The following ADK variants were observed in gnomAD, a reference collection of about 807,000 sequenced individuals.
ADK encodes N6,N6-dimethyladenosine kinase.
A neutral mutation model predicts 44.7 loss-of-function variants in ADK; 24 were observed. The observed-to-expected ratio is 0.54, with a 90% CI of 0.39 to 0.76. The LOEUF is 0.76. ADK is among the 30% of genes least tolerant of loss of function. The pLI, the probability that ADK is intolerant of heterozygous loss-of-function variation, is 0.00. For missense variants in ADK, 321 were observed against 425.1 expected (o/e 0.76, Z 2.15); for synonymous variants, 128 against 142.6 (o/e 0.90, Z 0.73).
intron 3 of ADK, among the ~76,000 whole-genome samples, chr10:74,305,385 TATCAA>T (rs1840209933): frequency 2.0e-5 from 3 of 152,222 alleles, no homozygotes; most frequent in African/African-American, 4.8e-5. Context: ...CATATATTGA[TATCAA>T]ATTGATCTTA....
chr10:74,558,018 C>A (rs1398942698), intron 7 of ADK, among the ~76,000 whole-genome samples: 2 of 152,104 alleles, frequency 1.3e-5, no homozygotes, highest in Non-Finnish European at 2.9e-5. Flanking sequence ...GGTATGAGAG[C>A]AAGCCACGAT....
chr10:74,472,113 G>C (rs1846613127), intron 6 of ADK, among the ~76,000 whole-genome samples: 1 of 152,100 alleles, frequency 6.6e-6, no homozygotes, highest in Non-Finnish European at 1.5e-5. Flanking sequence ...GCTAAGGCAG[G>C]AGAATCACGA....
intron 9 of ADK, chr10:74,641,860 C>G (rs1040140602): frequency 3.3e-5 from 5 of 152,240 alleles, no homozygotes; most frequent in African/African-American, 1.2e-4. Flanking sequence ...AACAGGGCCA[C>G]CTTCCCAGCA....
At chr10:74,336,515 T>C (rs1026706493) in intron 4 of ADK, among the ~76,000 whole-genome samples, 1 of 152,242 alleles carries the variant, frequency 6.6e-6, no homozygotes, top group African/African-American at 2.4e-5. Context: ...TAGACGTCTG[T>C]AATTTTGCAC....
intron 4 of ADK, among the ~76,000 whole-genome samples, chr10:74,317,743 T>G (rs1840673666): frequency 6.6e-6 from 1 of 152,010 alleles, no homozygotes; most frequent in African/African-American, 2.4e-5. Context: ...AAAAGAAGAT[T>G]ATAGTAAAAC....
At position 74,637,679 on chromosome 10, in the gene ADK, G is replaced by T. The variant is rs1853663927; in HGVS notation, c.878-32504G>T. 2.0e-5 allele frequency among the ~76,000 whole-genome samples: 3 copies of T among 148,496 alleles called. 1 individual carries two copies. In the South Asian group the frequency reaches 6.3e-4, roughly 31 times the overall value. On this transcript the variant is annotated intron_variant, in intron 9 of 10. Transcript: ENST00000539909. ...AAAGTAACCTCTGTTGTTCAAATTA[G>T]ATAGCCATTTGTGGAGACAAAACCC...
chr10:74,493,536 A>G (rs1847570973), intron 6 of ADK, among the ~76,000 whole-genome samples: 1 of 151,628 alleles, frequency 6.6e-6, no homozygotes, highest in African/African-American at 2.4e-5. Context: ...AGATATAGAT[A>G]GACATAGATA....
intron 6 of ADK, among the ~76,000 whole-genome samples, chr10:74,435,577 A>G (rs539182900): frequency 6.6e-6 from 1 of 152,308 alleles, no homozygotes; most frequent in Non-Finnish European, 1.5e-5. Context: ...ACATCTAGGA[A>G]GCTCTTTGAA....
intron 4 of ADK, among the ~76,000 whole-genome samples, chr10:74,333,509 A>G (rs562486274): frequency 4.6e-5 from 7 of 152,292 alleles, no homozygotes; most frequent in Non-Finnish European, 1.0e-4. Context: ...GGTCAATAGG[A>G]GAAACATGAA....
chr10:74,453,646 TTTCTC>T (rs1845848515), intron 6 of ADK, among the ~76,000 whole-genome samples: 1 of 152,106 alleles, frequency 6.6e-6, no homozygotes, highest in East Asian at 1.9e-4. Flanking sequence ...TTCCTTCTCT[TTTCTC>T]TACTCTCCCC....
chr10:74,659,559 C>T (rs1162524608), intron 9 of ADK, among the ~76,000 whole-genome samples: 3 of 152,146 alleles, frequency 2.0e-5, no homozygotes, highest in Admixed American at 2.0e-4. Flanking sequence ...AAAGGTCTTG[C>T]ATTAGTCAGG....
chr10:74,645,101 ATTC>A (rs1854008938), intron 9 of ADK, among the ~76,000 whole-genome samples: 1 of 152,174 alleles, frequency 6.6e-6, no homozygotes, highest in African/African-American at 2.4e-5. Flanking sequence ...TCAAAATTGT[ATTC>A]TTCTAATTTA....
intron 4 of ADK, among the ~76,000 whole-genome samples, chr10:74,353,594 C>T (rs906828577): frequency 2.7e-5 from 4 of 146,502 alleles, no homozygotes; most frequent in African/African-American, 7.5e-5. Flanking sequence ...AAAAGCCAGG[C>T]GCAGTGGCTC....
chr10:74,196,906 A>G (rs1843174107), intron 1 of ADK, among the ~76,000 whole-genome samples: 1 of 152,218 alleles, frequency 6.6e-6, no homozygotes, highest in African/African-American at 2.4e-5. Context: ...CAACAACTTC[A>G]TTAATGACCT....
intron 7 of ADK, among the ~76,000 whole-genome samples, chr10:74,547,792 G>A (rs1429017777): frequency 6.6e-6 from 1 of 152,150 alleles, no homozygotes; most frequent in Non-Finnish European, 1.5e-5. Flanking sequence ...CCGAATAGCT[G>A]GGATTACAGG....
chr10:74,535,442 A>G (rs1484775040), intron 7 of ADK, among the ~76,000 whole-genome samples: 2 of 152,152 alleles, frequency 1.3e-5, no homozygotes, highest in Admixed American at 6.5e-5. Context: ...CGGTCTGGGT[A>G]ACAGAGTAAG....
intron 9 of ADK, among the ~76,000 whole-genome samples, chr10:74,619,518 C>T (rs915167699): frequency 1.3e-5 from 2 of 151,558 alleles, no homozygotes; most frequent in African/African-American, 4.8e-5. Flanking sequence ...TCTAAAGTAT[C>T]TGATTATTTC....
chr10:74,665,738 AGAGAG>A (rs1854924681), intron 9 of ADK, among the ~76,000 whole-genome samples: 1 of 5,926 alleles, frequency 1.7e-4, no homozygotes, highest in Non-Finnish European at 3.2e-4. Flanking sequence ...TTAGCTCTTG[AGAGAG>A]AGAGAGAGAG....
chr10:74,575,415 C>T (rs1851149575), intron 7 of ADK, among the ~76,000 whole-genome samples: 2 of 152,110 alleles, frequency 1.3e-5, no homozygotes, highest in Non-Finnish European at 2.9e-5. Flanking sequence ...AAAGCCACTC[C>T]TGGAGGTAGA....
Sources: allele counts gnomAD v4.1 joint callset (sites outside exome capture counted in the v4.1 genomes callset), GRCh38; gene constraint gnomAD v4.1.1; transcripts MANE v1.5; gene names NCBI Gene and HGNC (gene_info 2026-07-23, HGNC 2026-07-21).